Variants in SMIM13 observed in about 807,000 individuals in gnomAD.
SMIM13 encodes UPF0766 protein C6orf228.
In SMIM13, 3 loss-of-function variants were observed where a neutral mutation model predicts 5.9. The observed-to-expected ratio is 0.51, with a 90% CI of 0.23 to 1.31. The LOEUF is 1.31. Among genes scored for constraint, SMIM13 ranks in the 40% most tolerant of loss-of-function variants. SMIM13 has a pLI of 0.18. For missense variants in SMIM13, 85 were observed against 109.9 expected (o/e 0.77, Z 1.01); for synonymous variants, 55 against 46.0 (o/e 1.19, Z -0.79).
chr6:11,094,486 GGC>G (rs1757897216), intron 1 of SMIM13, 97 bp downstream of exon 1: 9 of 933,160 alleles, frequency 9.6e-6, no homozygotes, highest in Non-Finnish European at 1.4e-5. Flanking sequence ...AAAACAAAAG[GGC>G]GTGGACGGAC....
intron 1 of SMIM13, among the ~76,000 whole-genome samples, chr6:11,110,577 A>G (rs1371838572): frequency 6.6e-6 from 1 of 152,152 alleles, no homozygotes; most frequent in Non-Finnish European, 1.5e-5. Flanking sequence ...TGATTAGAGG[A>G]ATGGAGGAAA....
At chr6:11,094,946 A>C in intron 1 of SMIM13, among the ~76,000 whole-genome samples, 1 of 152,212 alleles carries the variant, frequency 6.6e-6, no homozygotes, top group East Asian at 1.9e-4. Flanking sequence ...CCTAACTCTC[A>C]GTTCTATAAT....
chr6:11,114,510 C>CT (rs1208194403), intron 1 of SMIM13, among the ~76,000 whole-genome samples: 15 of 58,354 alleles, frequency 2.6e-4, no homozygotes, highest in African/African-American at 2.1e-4. Flanking sequence ...GGTGATTTTT[C>CT]TTTTTTTTTT....
At chr6:11,117,339 A>T (rs9986600) in intron 1 of SMIM13, among the ~76,000 whole-genome samples, 49 of 133,028 alleles carry the variant, frequency 3.7e-4, no homozygotes, top group Admixed American at 9.7e-4. Flanking sequence ...AATTTTTTGT[A>T]TTTTTTTTTT....
chr6:11,120,736 G>A (rs916006848), intron 1 of SMIM13, among the ~76,000 whole-genome samples: 2 of 142,340 alleles, frequency 1.4e-5, no homozygotes, highest in African/African-American at 5.7e-5. Context: ...TTATGTAGCT[G>A]GCTGTCTTCC....
At chr6:11,130,797 A>G (rs892849669) in intron 1 of SMIM13, among the ~76,000 whole-genome samples, 2 of 152,114 alleles carry the variant, frequency 1.3e-5, no homozygotes, top group African/African-American at 4.8e-5. Context: ...TTCTGTGCTG[A>G]GAGACTTACT....
Position 11,094,338 on chromosome 6 carries a change from CTGCT to C in SMIM13, c.28_31del (p.Leu10CysfsTer7), listed in dbSNP as rs1561749070. 6.5e-7 allele frequency: 1 copy of C among 1,533,884 alleles called. No homozygotes were observed. The highest frequency in any genetic ancestry group is 2.4e-5 in the East Asian group (1 of 40,826). ...GATGTGGCACAGCGTCGGGCTGACT[CTGCT>C]TGTGTTCGTGGCCACGCTGCTGATC... On this transcript the variant is annotated frameshift_variant, in exon 1 of 2. Coordinates refer to ENST00000416247, the MANE Select transcript of SMIM13 (RefSeq NM_001135575.2). LOFTEE classifies it high-confidence loss of function.
intron 1 of SMIM13, among the ~76,000 whole-genome samples, chr6:11,110,060 G>A (rs1758145408): frequency 6.6e-6 from 1 of 152,068 alleles, no homozygotes; most frequent in Non-Finnish European, 1.5e-5. Context: ...TTGTTTTATT[G>A]AGGCACAATT....
intron 1 of SMIM13, among the ~76,000 whole-genome samples, chr6:11,113,356 G>A (rs933103989): frequency 1.3e-5 from 2 of 151,998 alleles, no homozygotes; most frequent in East Asian, 3.9e-4. Context: ...TTTGATTTTT[G>A]TTTCATTAAT....
At chr6:11,119,654 C>CAAA (rs145708573) in intron 1 of SMIM13, among the ~76,000 whole-genome samples, 36,338 of 149,974 alleles carry the variant, frequency 0.24, 4,647 homozygotes, top group African/African-American at 0.31. Flanking sequence ...ACTCCATCTC[C>CAAA]AAAAAAACAG....
chr6:11,095,075 T>G (rs1757905812), intron 1 of SMIM13, among the ~76,000 whole-genome samples: 1 of 152,210 alleles, frequency 6.6e-6, no homozygotes, highest in Non-Finnish European at 1.5e-5. Context: ...TGTACATGTA[T>G]AGTAGCTGAT....
chr6:11,130,984 A>C (rs1431111095), intron 1 of SMIM13, among the ~76,000 whole-genome samples: 1 of 152,192 alleles, frequency 6.6e-6, no homozygotes, highest in Non-Finnish European at 1.5e-5. Flanking sequence ...ATCAGTTTTT[A>C]GAAAGATTAT....
chr6:11,119,525 G>A (rs934194645), intron 1 of SMIM13, among the ~76,000 whole-genome samples: 4 of 152,100 alleles, frequency 2.6e-5, no homozygotes, highest in African/African-American at 4.8e-5. Flanking sequence ...GTGGTGGCGG[G>A]CCCCTGTTGT....
intron 1 of SMIM13, chr6:11,104,305 GA>G: frequency 6.4e-7 from 1 of 1,551,702 alleles, no homozygotes; most frequent in Non-Finnish European, 8.7e-7. Flanking sequence ...ATTGGTATTG[GA>G]AGAGAGAGAT....
intron 1 of SMIM13, among the ~76,000 whole-genome samples, chr6:11,125,718 TCTTA>T (rs1358542346): frequency 6.6e-6 from 1 of 152,144 alleles, no homozygotes; most frequent in South Asian, 2.1e-4. Flanking sequence ...CTTTTGAGTA[TCTTA>T]CTTGTTTCTT....
intron 1 of SMIM13, among the ~76,000 whole-genome samples, chr6:11,111,052 A>C (rs979619657): frequency 6.6e-6 from 1 of 152,228 alleles, no homozygotes; most frequent in African/African-American, 2.4e-5. Flanking sequence ...GCAGTGAGCC[A>C]ACAGACAGGG....
intron 1 of SMIM13, among the ~76,000 whole-genome samples, chr6:11,100,511 C>T (rs1004724495): frequency 6.6e-6 from 1 of 152,178 alleles, no homozygotes; most frequent in Non-Finnish European, 1.5e-5. Context: ...AGCTGTCATT[C>T]TGCAGAAAGT....
intron 1 of SMIM13, among the ~76,000 whole-genome samples, chr6:11,127,607 C>T (rs749918260): frequency 3.9e-5 from 6 of 152,164 alleles, no homozygotes; most frequent in African/African-American, 7.2e-5. Flanking sequence ...CTGTCTTACA[C>T]GGATGGCAGC....
intron 1 of SMIM13, among the ~76,000 whole-genome samples, chr6:11,101,645 T>C (rs1561751445): frequency 6.6e-6 from 1 of 152,176 alleles, no homozygotes; most frequent in Non-Finnish European, 1.5e-5. Context: ...ATTCTCATGC[T>C]GATTTGATTC....
Sources: gnomAD v4.1 joint callset for allele counts (sites outside exome capture counted in the v4.1 genomes callset) on GRCh38, gnomAD v4.1.1 for gene constraint, MANE v1.5 for transcripts, NCBI Gene and HGNC (gene_info 2026-07-23, HGNC 2026-07-21) for gene names.